HDAC9: variants seen among roughly 807,000 people sequenced by gnomAD.
HDAC9 encodes the protein histone deacetylase 9, also known as MEF-2 interacting transcription repressor (MITR) protein.
Under a neutral mutation model 139.4 loss-of-function variants are expected in HDAC9, and 41 were observed. The ratio of observed to expected loss-of-function variants is 0.29; its 90% CI spans 0.23 to 0.38. HDAC9 has a LOEUF of 0.38. HDAC9 is among the 10% of genes least tolerant of loss of function. The probability of loss-of-function intolerance (pLI) is 1.00; values close to 1 mark genes in which losing one functional copy is unlikely to be tolerated. For missense variants in HDAC9, 1,147 were observed against 1,297.0 expected (o/e 0.88, Z 1.78); for synonymous variants, 517 against 476.2 (o/e 1.09, Z -1.12).
chr7:18,505,414 C>T (rs1425526216), intron 2 of HDAC9, among the ~76,000 whole-genome samples: 1 of 152,166 alleles, frequency 6.6e-6, no homozygotes, highest in African/African-American at 2.4e-5. Context: ...CACTCAAATC[C>T]TAATTTCAAC....
intron 1 of HDAC9, among the ~76,000 whole-genome samples, chr7:18,378,980 A>G (rs1046368625): frequency 6.6e-6 from 1 of 152,156 alleles, no homozygotes; most frequent in African/African-American, 2.4e-5. Flanking sequence ...CCAAAATAAA[A>G]CCAAAGTTTG....
chr7:18,479,233 T>C (rs890926892), intron 1 of HDAC9, among the ~76,000 whole-genome samples: 2 of 152,210 alleles, frequency 1.3e-5, no homozygotes, highest in African/African-American at 4.8e-5. Flanking sequence ...TGTAAAACTT[T>C]TCAAGTTTGC....
chr7:18,094,416 C>G (rs1198792906), intron 1 of HDAC9, among the ~76,000 whole-genome samples: 2 of 151,898 alleles, frequency 1.3e-5, no homozygotes, highest in African/African-American at 4.8e-5. Context: ...CAGCCTGGAC[C>G]CAGCCTATCT....
chr7:18,484,860 A>G (rs1049928639), intron 1 of HDAC9, among the ~76,000 whole-genome samples: 5 of 152,018 alleles, frequency 3.3e-5, no homozygotes, highest in Admixed American at 2.6e-4. Context: ...CTGTAAAAAA[A>G]AAAAAAAGGA....
chr7:18,666,929 TAATTTTCAC>T, intron 12 of HDAC9: 1 of 996,268 alleles, frequency 1.0e-6, no homozygotes, highest in South Asian at 4.4e-5. Flanking sequence ...ATCTAGAATT[TAATTTTCAC>T]ATCACTGTAC....
intron 2 of HDAC9, among the ~76,000 whole-genome samples, chr7:18,230,873 C>G (rs1793412230): frequency 1.3e-5 from 2 of 152,144 alleles, no homozygotes; most frequent in South Asian, 4.1e-4. Context: ...TTAGAGACTC[C>G]ATAACTACAG....
At chr7:18,275,719 G>A (rs530011205) in intron 2 of HDAC9, among the ~76,000 whole-genome samples, 1 of 152,126 alleles carries the variant, frequency 6.6e-6, no homozygotes, top group Non-Finnish European at 1.5e-5. Context: ...TTGTTTACGT[G>A]GCCTTTCCCT....
intron 13 of HDAC9, among the ~76,000 whole-genome samples, chr7:18,736,696 T>C (rs1786938048): frequency 6.6e-6 from 1 of 152,182 alleles, no homozygotes; most frequent in Admixed American, 6.5e-5. Context: ...TAAAATTCTC[T>C]TTTTTTGTTG....
intron 1 of HDAC9, among the ~76,000 whole-genome samples, chr7:18,158,293 G>A (rs1787374346): frequency 6.6e-6 from 1 of 152,184 alleles, no homozygotes; most frequent in Non-Finnish European, 1.5e-5. Context: ...CTTCTGTTGT[G>A]AGTTGATTTG....
intron 17 of HDAC9, among the ~76,000 whole-genome samples, chr7:18,801,115 T>A (rs1301099993): frequency 6.6e-6 from 1 of 152,070 alleles, no homozygotes; most frequent in African/African-American, 2.4e-5. Flanking sequence ...AATTTGTATT[T>A]CCTTATTACA....
chr7:18,716,820 G>A (rs1784733593), intron 12 of HDAC9, among the ~76,000 whole-genome samples: 1 of 152,040 alleles, frequency 6.6e-6, no homozygotes, highest in Admixed American at 6.6e-5. Flanking sequence ...TACAAACACT[G>A]GTTACTCTTG....
intron 2 of HDAC9, among the ~76,000 whole-genome samples, chr7:18,208,649 T>A (rs991496251): frequency 1.3e-5 from 2 of 152,188 alleles, no homozygotes; most frequent in Non-Finnish European, 2.9e-5. Context: ...GTGTTGTGAT[T>A]ACAGGCCTGA....
chr7:18,210,773 A>G (rs1791884807), intron 2 of HDAC9, among the ~76,000 whole-genome samples: 3 of 152,186 alleles, frequency 2.0e-5, no homozygotes, highest in Admixed American at 6.5e-5. Context: ...GACAAATTTT[A>G]TTTATTTGTA....
intron 1 of HDAC9, chr7:18,325,461 A>C (rs1046592714): frequency 6.6e-6 from 1 of 152,066 alleles, no homozygotes; most frequent in Non-Finnish European, 1.5e-5. Context: ...TAGTCACCAC[A>C]ATGTAATTAT....
intron 17 of HDAC9, among the ~76,000 whole-genome samples, chr7:18,822,089 G>GT (rs1253153825): frequency 6.6e-6 from 1 of 152,104 alleles, no homozygotes; most frequent in African/African-American, 2.4e-5. Flanking sequence ...CTTTGTGGAG[G>GT]TTCCATCACA....
chr7:18,773,406 C>G (rs1158095475), intron 16 of HDAC9, among the ~76,000 whole-genome samples: 17 of 121,092 alleles, frequency 1.4e-4, no homozygotes, highest in Non-Finnish European at 1.8e-5. Flanking sequence ...CACACACACA[C>G]ACACAAAAGC....
At chr7:18,700,607 A>G (rs1327623670) in intron 12 of HDAC9, among the ~76,000 whole-genome samples, 3 of 152,228 alleles carry the variant, frequency 2.0e-5, no homozygotes, top group African/African-American at 7.2e-5. Context: ...AACATAATGA[A>G]AACAATAAAC....
At chr7:18,176,720 G>T (rs137958784) in intron 2 of HDAC9, among the ~76,000 whole-genome samples, 11 of 152,110 alleles carry the variant, frequency 7.2e-5, no homozygotes, top group Non-Finnish European at 1.6e-4. Flanking sequence ...GTGTCACAGG[G>T]CTTTGGTGTA....
chr7:18,331,086 A>G (rs550748049), intron 1 of HDAC9, among the ~76,000 whole-genome samples: 1 of 151,714 alleles, frequency 6.6e-6, no homozygotes, highest in African/African-American at 2.4e-5. Flanking sequence ...TTTGCATTTG[A>G]TAGGTACAAC....
Sources: gnomAD v4.1 joint callset for allele counts (sites outside exome capture counted in the v4.1 genomes callset) on GRCh38, gnomAD v4.1.1 for gene constraint, MANE v1.5 for transcripts, NCBI Gene and HGNC (gene_info 2026-07-23, HGNC 2026-07-21) for gene names.